Variants in LPIN2 observed in about 807,000 individuals in gnomAD.
LPIN2 encodes phosphatidate phosphatase LPIN2.
A neutral mutation model predicts 111.4 loss-of-function variants in LPIN2; 55 were observed. The ratio of observed to expected loss-of-function variants is 0.49; its 90% CI spans 0.40 to 0.62. LPIN2 has a LOEUF of 0.62. Ranked by LOEUF, LPIN2 falls within the 20% of genes least tolerant of loss-of-function variation. The pLI is 0.00. For synonymous variants in LPIN2, 425 were observed against 414.0 expected, an observed-to-expected ratio of 1.03 and a Z score of -0.32; for missense variants, 992 against 1,112.1, an observed-to-expected ratio of 0.89 and a Z score of 1.54.
chr18:2,923,450 T>A (rs112790450), intron 16 of LPIN2, among the ~76,000 whole-genome samples: 3,291 of 118,092 alleles, frequency 0.028, 58 homozygotes, highest in African/African-American at 0.043. Flanking sequence ...AAAAAAAAAA[T>A]TTAAAATACC....
intron 1 of LPIN2, among the ~76,000 whole-genome samples, chr18:3,012,102 G>C (rs1176041493): frequency 6.6e-6 from 1 of 152,156 alleles, no homozygotes; most frequent in Admixed American, 6.5e-5. Context: ...TTAATAAACA[G>C]TAACACCCAT....
In LPIN2 at chr18:2,931,594, G is replaced by T; in HGVS notation, c.1269-151C>A. 4 of 733,626 alleles carry T rather than the reference G, an allele frequency of 5.5e-6. No homozygotes were observed. The Admixed American group carries it at 8.4e-5, about 15-fold the overall frequency. 45.4% of individuals were successfully genotyped at this position (733,626 alleles called of 1,614,324 possible). ...ATCAGGCATAACTTTTCTTAGATAG[G>T]GTTTAGAATCATATCATAAATGACA... On this transcript the variant is annotated intron_variant, in intron 8 of 19. Coordinates refer to ENST00000677752, the MANE Select transcript of LPIN2 (RefSeq NM_001375808.2).
rs1489089717 is a variant in LPIN2, at chr18:2,924,486, G to T, written c.1999C>A (p.Gln667Lys). 6.2e-7 allele frequency: 1 copy of T among 1,614,184 alleles called. No individual in the cohort carries two copies. Among genetic ancestry groups the T allele is most frequent in the African/African-American group, 1.3e-5 (1 of 75,044 alleles). ...GTCCCTGCACAGCGACAGGTGCCTTGATACTGGGTTGTAATACTAAACACA... is the reference window on the plus strand; with the variant it reads ...GTCCCTGCACAGCGACAGGTGCCTTTATACTGGGTTGTAATACTAAACACA... The part of the protein sequence containing the change: ...DVVFSITTQY[Q>K]GTCRCAGTIY... Residue 667 changes from glutamine (Q) to lysine (K), a missense_variant, in exon 15 of 20, where the codon CAA (glutamine) becomes AAA (lysine). By Grantham distance (53) the Gln-to-Lys change is moderately conservative (BLOSUM62 1). Around this residue, in one of 4 missense-constraint regions of LPIN2, gnomAD observed 709 missense variants for 753.2 expected, o/e 0.94. Coordinates refer to ENST00000677752, the MANE Select transcript of LPIN2 (RefSeq NM_001375808.2).
intron 1 of LPIN2, among the ~76,000 whole-genome samples, chr18:2,961,778 T>C (rs1177493925): frequency 6.6e-6 from 1 of 152,134 alleles, no homozygotes; most frequent in Non-Finnish European, 1.5e-5. Flanking sequence ...CCTAATATTA[T>C]GCCAAAGCAC....
Position 2,954,485 on chromosome 18 carries a change from G to A in LPIN2, c.288+19C>T, listed in dbSNP as rs760970592. ...CCTGAGCACACTGTGTAAGGAGGGT[G>A]TAACCCATGCAAACTTACATATTCT... On this transcript the variant is annotated intron_variant, in intron 3 of 19. Coordinates refer to ENST00000677752, the MANE Select transcript of LPIN2 (RefSeq NM_001375808.2). 8.3e-6 allele frequency: 13 copies of A among 1,572,960 alleles called. No individual in the cohort carries two copies. The Admixed American group carries it at 1.3e-4, about 16-fold the overall frequency.
intron 1 of LPIN2, among the ~76,000 whole-genome samples, chr18:2,987,877 A>G (rs1033232944): frequency 6.6e-6 from 1 of 152,002 alleles, no homozygotes. Flanking sequence ...CATCTCTACT[A>G]AAAATACAAG....
chr18:2,928,455 G>A (rs770266371), intron 11 of LPIN2, 136 bp downstream of exon 11: 57 of 872,348 alleles, frequency 6.5e-5, no homozygotes, highest in Non-Finnish European at 1.0e-4. Flanking sequence ...ATATGACTTT[G>A]ATCTTTTATA....
At chr18:2,943,657 C>CTTCAT (rs1224498359) in intron 4 of LPIN2, among the ~76,000 whole-genome samples, 6 of 152,158 alleles carry the variant, frequency 3.9e-5, no homozygotes, top group Non-Finnish European at 8.8e-5. Context: ...CCCATAAAGA[C>CTTCAT]TTCATGTCTC....
chr18:3,007,323 C>G (rs1414487602), intron 1 of LPIN2, among the ~76,000 whole-genome samples: 1 of 152,146 alleles, frequency 6.6e-6, no homozygotes, highest in South Asian at 2.1e-4. Flanking sequence ...AGGTGCCCCC[C>G]ACCACGTCTG....
At chr18:2,933,593 T>C (rs753040366) in intron 8 of LPIN2, among the ~76,000 whole-genome samples, 3 of 152,256 alleles carry the variant, frequency 2.0e-5, no homozygotes, top group Non-Finnish European at 4.4e-5. Context: ...CATCTTTCTA[T>C]TCCAAATAAA....
intron 1 of LPIN2, among the ~76,000 whole-genome samples, chr18:2,973,907 A>T (rs938510607): frequency 1.3e-5 from 2 of 152,030 alleles, no homozygotes; most frequent in African/African-American, 4.8e-5. Flanking sequence ...GGCATCAGAG[A>T]GTTTTGGATT....
At chr18:2,971,775 C>T (rs951073284) in intron 1 of LPIN2, among the ~76,000 whole-genome samples, 2 of 145,322 alleles carry the variant, frequency 1.4e-5, no homozygotes, top group Admixed American at 1.4e-4. Flanking sequence ...AGGCTGGGTG[C>T]GGTGGCTCAC....
intron 2 of LPIN2, among the ~76,000 whole-genome samples, chr18:2,955,211 A>G (rs1423679832): frequency 6.6e-6 from 1 of 152,242 alleles, no homozygotes; most frequent in Non-Finnish European, 1.5e-5. Flanking sequence ...AGAAATACAC[A>G]AGGCTGGGCA....
At chr18:2,985,226 G>T (rs892530992) in intron 1 of LPIN2, 2 of 152,138 alleles carry the variant, frequency 1.3e-5, no homozygotes, top group African/African-American at 2.4e-5. Flanking sequence ...TTCAAAGCTG[G>T]TAGCCAAAGT....
intron 1 of LPIN2, among the ~76,000 whole-genome samples, chr18:3,000,016 C>T (rs1430602379): frequency 7.1e-6 from 1 of 140,078 alleles, no homozygotes; most frequent in Non-Finnish European, 1.5e-5. Context: ...TTAGTGAGAC[C>T]CTATCTCTGT....
rs1237234037 is a variant in LPIN2, at chr18:2,922,288, CTTTTTTTTT to C, written c.2175-98_2175-90del. 3 of 1,311,224 alleles carry C rather than the reference CTTTTTTTTT, an allele frequency of 2.3e-6. No homozygotes were observed. In the African/African-American group the frequency reaches 4.6e-5, roughly 20 times the overall value. 81.2% of individuals were successfully genotyped at this position (1,311,224 alleles called of 1,614,324 possible). A position where few individuals can be genotyped will look rare whatever the true frequency, so the allele number is the denominator to read the frequency against. The stretch of plus-strand genomic sequence containing the variant: ...AAAAAAAAACCCCACACTTTTCTTT[CTTTTTTTTT>C]TGAGTCTCACTCTGTTACCCAGGCT... On this transcript the variant is annotated intron_variant, in intron 16 of 19. Transcript: ENST00000677752.
intron 1 of LPIN2, among the ~76,000 whole-genome samples, chr18:3,005,832 C>G (rs879507974): frequency 1.9e-4 from 29 of 152,148 alleles, no homozygotes; most frequent in Admixed American, 1.8e-3. Flanking sequence ...TTGAGACCAA[C>G]CTGGGCAACA....
intron 3 of LPIN2, among the ~76,000 whole-genome samples, chr18:2,954,133 A>G (rs1260650061): frequency 1.3e-5 from 2 of 152,234 alleles, no homozygotes; most frequent in Non-Finnish European, 2.9e-5. Flanking sequence ...ACATGTGGAT[A>G]AACACATAGC....
At position 2,947,933 on chromosome 18, in the gene LPIN2, G is replaced by A. The variant is rs183540594; in HGVS notation, c.590+3122C>T. ...GCTGAGCTGAAAGGGGCCTTTTAAA[G>A]GCCCCTTCGACCCTCTCACTTTATA... is the stretch of plus-strand genomic sequence containing the variant. On this transcript the variant is annotated intron_variant, in intron 4 of 19. Transcript: ENST00000677752. Among the ~76,000 whole-genome samples the A allele has an allele frequency of 1.7e-3, 258 of 152,220 alleles. 1 individual carries two copies. The highest frequency in any genetic ancestry group is 6.1e-3 in the African/African-American group (253 of 41,540).
Sources: gnomAD v4.1 joint callset for allele counts (sites outside exome capture counted in the v4.1 genomes callset) on GRCh38, gnomAD v4.1.1 for gene constraint, gnomAD v4.1.1 regional missense constraint, MANE v1.5 for transcripts, NCBI Gene and HGNC (gene_info 2026-07-23, HGNC 2026-07-21) for gene names.